Variants in DPP10 observed in about 807,000 individuals in gnomAD.
The protein encoded by DPP10 is dipeptidyl peptidase like 10, also known as inactive dipeptidyl peptidase 10.
DPP10 carries 33 observed loss-of-function variants against 120.9 expected under a neutral mutation model. The ratio of observed to expected loss-of-function variants is 0.27; its 90% CI spans 0.21 to 0.37. DPP10 has a LOEUF of 0.37. Ranked by LOEUF, DPP10 falls within the 10% of genes least tolerant of loss-of-function variation. The pLI is 1.00. For missense variants in DPP10, 816 were observed against 942.8 expected, an observed-to-expected ratio of 0.87 and a Z score of 1.76; for synonymous variants, 337 against 326.1, an observed-to-expected ratio of 1.03 and a Z score of -0.36.
intron 1 of DPP10, among the ~76,000 whole-genome samples, chr2:114,674,516 A>G (rs1399126302): frequency 6.6e-6 from 1 of 152,190 alleles, no homozygotes; most frequent in Admixed American, 6.6e-5. Flanking sequence ...GGCTGTTACT[A>G]AATTAAACCT....
intron 3 of DPP10, among the ~76,000 whole-genome samples, chr2:115,396,392 A>G (rs913507706): frequency 6.6e-6 from 1 of 152,172 alleles, no homozygotes; most frequent in Non-Finnish European, 1.5e-5. Flanking sequence ...ACAAATTATC[A>G]ATGTTTGTTT....
intron 1 of DPP10, among the ~76,000 whole-genome samples, chr2:114,652,144 A>G (rs1040905448): frequency 6.6e-6 from 1 of 152,138 alleles, no homozygotes; most frequent in Non-Finnish European, 1.5e-5. Flanking sequence ...TTCAAACATA[A>G]GAAAGAAGGG....
chr2:114,620,311 G>C (rs914344402), intron 1 of DPP10, among the ~76,000 whole-genome samples: 1 of 152,006 alleles, frequency 6.6e-6, no homozygotes, highest in East Asian at 1.9e-4. Flanking sequence ...TGAGTAGATC[G>C]GTTTTTCTAA....
intron 1 of DPP10, among the ~76,000 whole-genome samples, chr2:114,713,193 G>T (rs1701136539): frequency 6.6e-6 from 1 of 151,948 alleles, no homozygotes; most frequent in African/African-American, 2.4e-5. Context: ...TCACCAGGTT[G>T]GTCAGGCTGG....
intron 1 of DPP10, among the ~76,000 whole-genome samples, chr2:115,251,413 G>A (rs1574167413): frequency 6.6e-6 from 1 of 152,080 alleles, no homozygotes; most frequent in Non-Finnish European, 1.5e-5. Flanking sequence ...TTTCTCTGCT[G>A]ATCTGTAAAT....
intron 1 of DPP10, among the ~76,000 whole-genome samples, chr2:114,515,110 A>G (rs1289404177): frequency 1.3e-5 from 2 of 152,230 alleles, no homozygotes; most frequent in Admixed American, 6.5e-5. Flanking sequence ...GAGAAAAGAA[A>G]CATGCCTGGA....
chr2:114,515,808 C>CTT (rs35011383), intron 1 of DPP10, among the ~76,000 whole-genome samples: 143 of 148,594 alleles, frequency 9.6e-4, no homozygotes, highest in African/African-American at 3.4e-3. Context: ...TCATATCAAC[C>CTT]TTTTTTTTTT....
At chr2:114,501,952 TTGAGACA>T (rs1683226291) in intron 1 of DPP10, among the ~76,000 whole-genome samples, 1 of 147,776 alleles carries the variant, frequency 6.8e-6, no homozygotes, top group Admixed American at 6.7e-5. Context: ...TTTTTTTTTT[TTGAGACA>T]GAGTCTCAAT....
rs369477318 is a variant in DPP10 at position 115,746,145 on chromosome 2, C to T, written c.912C>T (p.His304=). The change falls in exon 10 of 26, where the codon CAC becomes CAT. Residue 304 remains histidine, a synonymous_variant. Transcript: ENST00000410059. ...LYVVNLYGPT[H]TLELMPPDSF... ...TTGTAAACCTGTATGGACCAACTCA[C>T]ACTTTGGAGCTCATGCCACCTGACA... The T allele has an allele frequency of 1.9e-5, 30 of 1,612,640 alleles. No individual in the cohort carries two copies. Among genetic ancestry groups the T allele is most frequent in the Non-Finnish European group, 2.4e-5 (28 of 1,179,568 alleles).
At chr2:114,859,064 C>T (rs960166825) in intron 1 of DPP10, among the ~76,000 whole-genome samples, 5 of 151,998 alleles carry the variant, frequency 3.3e-5, no homozygotes, top group Admixed American at 1.3e-4. Flanking sequence ...CGGTGGCTCA[C>T]GCCTGTAATC....
At chr2:115,112,714 G>T (rs1402732771) in intron 1 of DPP10, among the ~76,000 whole-genome samples, 1 of 152,212 alleles carries the variant, frequency 6.6e-6, no homozygotes. Context: ...GGCTGAGGTA[G>T]CGGGGAGGTG....
At chr2:115,197,043 C>T (rs1231713432) in intron 1 of DPP10, among the ~76,000 whole-genome samples, 4 of 152,080 alleles carry the variant, frequency 2.6e-5, no homozygotes, top group African/African-American at 9.7e-5. Context: ...GTAAACATTA[C>T]ATGGGCAAAA....
At chr2:115,155,310 T>C (rs2051837423) in intron 1 of DPP10, among the ~76,000 whole-genome samples, 1 of 152,128 alleles carries the variant, frequency 6.6e-6, no homozygotes, top group South Asian at 2.1e-4. Context: ...GAACTTGCGA[T>C]GGGAAGGTTG....
At chr2:115,261,237 C>T (rs1414465147) in intron 1 of DPP10, among the ~76,000 whole-genome samples, 1 of 152,092 alleles carries the variant, frequency 6.6e-6, no homozygotes, top group Non-Finnish European at 1.5e-5. Flanking sequence ...TTCATTGCCA[C>T]CGGTTGAAAG....
At chr2:115,828,630 G>A (rs1000496412) in intron 21 of DPP10, among the ~76,000 whole-genome samples, 1 of 152,010 alleles carries the variant, frequency 6.6e-6, no homozygotes, top group African/African-American at 2.4e-5. Flanking sequence ...GTAGCAAGCT[G>A]TAACAATGCT....
intron 1 of DPP10, among the ~76,000 whole-genome samples, chr2:115,263,959 T>C (rs868851082): frequency 7.2e-5 from 11 of 152,254 alleles, no homozygotes; most frequent in Middle Eastern, 6.8e-3. Flanking sequence ...TGATGAGTTA[T>C]AAGTTATATC....
At chr2:115,523,715 T>C (rs1320388065) in intron 4 of DPP10, among the ~76,000 whole-genome samples, 1 of 152,144 alleles carries the variant, frequency 6.6e-6, no homozygotes, top group Non-Finnish European at 1.5e-5. Flanking sequence ...TTAATTTCTA[T>C]CAAATTTCAA....
At chr2:115,834,895 G>A (rs1171226275) in intron 21 of DPP10, among the ~76,000 whole-genome samples, 1 of 152,072 alleles carries the variant, frequency 6.6e-6, no homozygotes, top group Non-Finnish European at 1.5e-5. Context: ...GACCATCCTG[G>A]CTAACACGGT....
intron 1 of DPP10, among the ~76,000 whole-genome samples, chr2:114,682,567 G>T (rs1156770913): frequency 7.0e-6 from 1 of 142,844 alleles, no homozygotes; most frequent in Non-Finnish European, 1.5e-5. Flanking sequence ...CAATCGATGG[G>T]TAATTATTAT....
Sources: allele counts gnomAD v4.1 joint callset (sites outside exome capture counted in the v4.1 genomes callset), GRCh38; gene constraint gnomAD v4.1.1; transcripts MANE v1.5; gene names NCBI Gene and HGNC (gene_info 2026-07-23, HGNC 2026-07-21).